NBEA: variants seen among roughly 807,000 people sequenced by gnomAD.
The protein encoded by NBEA is lysosomal-trafficking regulator 2.
NBEA carries 44 observed loss-of-function variants against 343.4 expected under a neutral mutation model. That is an observed-to-expected ratio of 0.13 (90% CI 0.10 to 0.16). The LOEUF (loss-of-function observed/expected upper bound fraction) is 0.16, where lower values mean the gene tolerates loss of function less well. Among genes scored for constraint, NBEA ranks in the 10% least tolerant of loss-of-function variants. The pLI is 1.00. For synonymous variants in NBEA, 1,175 were observed against 1,238.7 expected, an observed-to-expected ratio of 0.95 and a Z score of 1.08; for missense variants, 2,555 against 3,631.3, an observed-to-expected ratio of 0.70 and a Z score of 7.62.
intron 36 of NBEA, among the ~76,000 whole-genome samples, chr13:35,336,741 A>G (rs1308197779): frequency 1.3e-5 from 2 of 152,124 alleles, no homozygotes; most frequent in Non-Finnish European, 1.5e-5. Context: ...GCTGGAGGCC[A>G]TTATCCTAAG....
intron 48 of NBEA, among the ~76,000 whole-genome samples, chr13:35,616,926 C>T (rs2082764224): frequency 6.6e-6 from 1 of 152,216 alleles, no homozygotes; most frequent in East Asian, 1.9e-4. Flanking sequence ...CACGGTGTAG[C>T]ATCCCTGTAA....
At chr13:35,247,040 T>C (rs2031310108) in intron 34 of NBEA, among the ~76,000 whole-genome samples, 1 of 152,018 alleles carries the variant, frequency 6.6e-6, no homozygotes, top group South Asian at 2.1e-4. Flanking sequence ...GCCTCTCCTG[T>C]GTCAAGCAGG....
At chr13:35,521,777 T>C (rs1015138470) in intron 41 of NBEA, among the ~76,000 whole-genome samples, 19 of 152,298 alleles carry the variant, frequency 1.2e-4, no homozygotes, top group Middle Eastern at 3.4e-3. Flanking sequence ...CTAAATCAGC[T>C]CTGGTCAGAA....
chr13:35,550,811 C>A, intron 42 of NBEA, 119 bp from the exon 43 acceptor site: 1 of 678,080 alleles, frequency 1.5e-6, no homozygotes, highest in Non-Finnish European at 2.5e-6. Context: ...GCTGATTTTT[C>A]ATGAAGATTC....
At position 35,109,459 on chromosome 13, in the gene NBEA, T is replaced by TA; in HGVS notation, c.1833+18dup. 1 of 1,577,220 alleles carries TA rather than the reference T, an allele frequency of 6.3e-7. No individual in the cohort carries two copies. The highest frequency in any genetic ancestry group is 8.6e-7 in the Non-Finnish European group (1 of 1,163,522). ...CCTGCAAAGGTATGAATTTTATACT[T>TA]ATTCAGTTTGATTTAGTGTAATGTT... On this transcript the variant is annotated intron_variant, in intron 12 of 58. Transcript: ENST00000379939.
chr13:35,288,770 G>T (rs528015132), intron 34 of NBEA, among the ~76,000 whole-genome samples: 25 of 151,980 alleles, frequency 1.6e-4, no homozygotes, highest in Admixed American at 1.2e-3. Context: ...AAGCCTTATT[G>T]TCTAAATTTA....
chr13:35,671,574 C>G lies in NBEA; in HGVS notation c.*583C>G, dbSNP rs2085617721. ...GAACAGGTGCATTCACACTATGAAA[C>G]AGAAAGATCTGTCCAAGGACACAGC... On this transcript the variant is annotated 3_prime_UTR_variant, in exon 59 of 59. Transcript: ENST00000379939. 6.5e-6 allele frequency: 1 copy of G among 152,732 alleles called. No homozygotes were observed. Among genetic ancestry groups the G allele is most frequent in the South Asian group, 2.1e-4 (1 of 4,828 alleles). 9.5% of individuals were successfully genotyped at this position (152,732 alleles called of 1,614,324 possible). A position where few individuals can be genotyped will look rare whatever the true frequency, so the allele number is the denominator to read the frequency against.
chr13:35,198,809 G>A (rs933285016), intron 31 of NBEA, among the ~76,000 whole-genome samples: 32 of 151,836 alleles, frequency 2.1e-4, no homozygotes, highest in African/African-American at 6.8e-4. Context: ...GAACAGAAGC[G>A]GCCTTGCACT....
intron 34 of NBEA, among the ~76,000 whole-genome samples, chr13:35,267,094 C>T (rs2152801964): frequency 6.6e-6 from 1 of 152,016 alleles, no homozygotes; most frequent in Middle Eastern, 3.4e-3. Flanking sequence ...ATTGCCTTTA[C>T]ATTGAGTAGG....
intron 38 of NBEA, among the ~76,000 whole-genome samples, chr13:35,360,690 C>A (rs1277733123): frequency 1.3e-5 from 2 of 151,980 alleles, no homozygotes; most frequent in East Asian, 1.9e-4. Flanking sequence ...AATGAAAAAT[C>A]CATCACCTGA....
intron 1 of NBEA, among the ~76,000 whole-genome samples, chr13:35,011,535 A>C (rs2061494133): frequency 6.6e-6 from 1 of 152,226 alleles, no homozygotes; most frequent in South Asian, 2.1e-4. Context: ...AGAATTATTA[A>C]TGTTAGTGCA....
chr13:35,124,252 T>C (rs1015230094), intron 17 of NBEA, among the ~76,000 whole-genome samples: 1 of 136,230 alleles, frequency 7.3e-6, no homozygotes, highest in Non-Finnish European at 1.7e-5. Flanking sequence ...TTTTCGCCCT[T>C]GTTTTTTTTT....
At position 35,072,230 on chromosome 13, in the gene NBEA, A is replaced by G. The variant is rs113353545; in HGVS notation, c.1571+1378A>G. On this transcript the variant is annotated intron_variant, in intron 10 of 58. Coordinates refer to ENST00000379939, the MANE Select transcript of NBEA (RefSeq NM_001385012.1). ...AAGTAGCCACTAGAAAAATCCATGTATTAATTTAAATATTTCTTATGAAAT... is the reference window on the plus strand; with the variant it reads ...AAGTAGCCACTAGAAAAATCCATGTGTTAATTTAAATATTTCTTATGAAAT... Among the ~76,000 whole-genome samples, 16 of 152,248 alleles carry G rather than the reference A, an allele frequency of 1.1e-4. No homozygotes were observed. The East Asian group carries it at 1.9e-3, about 18-fold the overall frequency.
intron 30 of NBEA, among the ~76,000 whole-genome samples, chr13:35,189,772 T>A (rs1461165004): frequency 6.6e-6 from 1 of 152,020 alleles, no homozygotes; most frequent in Non-Finnish European, 1.5e-5. Context: ...CTACTTTTTT[T>A]ATGTTATTTA....
intron 31 of NBEA, among the ~76,000 whole-genome samples, chr13:35,204,003 C>A (rs1227727620): frequency 6.6e-6 from 1 of 152,026 alleles, no homozygotes; most frequent in Non-Finnish European, 1.5e-5. Flanking sequence ...GGGTCCCCAC[C>A]CCTGGGCCAT....
chr13:35,009,523 A>G (rs940143527), intron 1 of NBEA, among the ~76,000 whole-genome samples: 1 of 152,166 alleles, frequency 6.6e-6, no homozygotes, highest in Non-Finnish European at 1.5e-5. Context: ...CCACTGTCCA[A>G]GCAAGAGTAT....
chr13:34,974,692 A>G (rs1172092381), intron 1 of NBEA, among the ~76,000 whole-genome samples: 2 of 152,212 alleles, frequency 1.3e-5, no homozygotes, highest in Non-Finnish European at 2.9e-5. Flanking sequence ...GATAGAATAA[A>G]TGCAAAATTC....
intron 38 of NBEA, among the ~76,000 whole-genome samples, chr13:35,421,011 T>A (rs2044238343): frequency 6.6e-6 from 1 of 152,006 alleles, no homozygotes; most frequent in African/African-American, 2.4e-5. Context: ...TTTATTGATT[T>A]CTGCTTTTTT....
At chr13:35,267,702 T>C (rs1384263145) in intron 34 of NBEA, among the ~76,000 whole-genome samples, 3 of 151,746 alleles carry the variant, frequency 2.0e-5, no homozygotes, top group Non-Finnish European at 4.4e-5. Flanking sequence ...TAGACATTTT[T>C]TCAAAAAAGT....
Sources: gnomAD v4.1 joint callset for allele counts (sites outside exome capture counted in the v4.1 genomes callset) on GRCh38, gnomAD v4.1.1 for gene constraint, MANE v1.5 for transcripts, NCBI Gene and HGNC (gene_info 2026-07-23, HGNC 2026-07-21) for gene names.